Variants in RRP8 observed in about 807,000 individuals in gnomAD.
RRP8 encodes ribosomal RNA-processing protein 8.
Under a neutral mutation model 45.0 loss-of-function variants are expected in RRP8, and 48 were observed. The ratio of observed to expected loss-of-function variants is 1.07; its 90% confidence interval spans 0.85 to 1.36. RRP8 has a LOEUF of 1.36. RRP8 is among the 40% of genes most tolerant of loss of function. The pLI is 0.00. For missense variants in RRP8, 658 were observed against 573.7 expected, an observed-to-expected ratio of 1.15 and a Z score of -1.50; for synonymous variants, 274 against 212.4, an observed-to-expected ratio of 1.29 and a Z score of -2.52.
chr11:6,596,815 G>A lies in RRP8; in HGVS notation c.*3331C>T, dbSNP rs1854235953. ...CCCTTAGGACTGGACTATATTATGG[G>A]AACAGAAGCTGGAGCACACCAATAA... On this transcript the variant is annotated 3_prime_UTR_variant, in exon 7 of 7. Coordinates refer to ENST00000254605, the MANE Select transcript of RRP8 (RefSeq NM_015324.4). The A allele has an allele frequency of 6.6e-6, 1 of 152,204 alleles. No individual in the cohort carries two copies. Among genetic ancestry groups the A allele is most frequent in the Admixed American group, 6.5e-5 (1 of 15,288 alleles). 9.4% of individuals were successfully genotyped at this position (152,204 alleles called of 1,614,324 possible). A position where few individuals can be genotyped will look rare whatever the true frequency, so the allele number is the denominator to read the frequency against.
Position 6,602,210 on chromosome 11 carries a change from G to A in RRP8, c.105C>T (p.Ser35=), listed in dbSNP as rs1854415875. Residue 35 remains serine (S), a synonymous_variant, in exon 2 of 7, where the codon TCC becomes TCT. Transcript: ENST00000254605. ...PPAASSQNKG[S]KRRQLLATLR... is the part of the protein sequence containing the mutation. The stretch of plus-strand genomic sequence containing the variant: ...ATGTGGCCAAGAGCTGGCGGCGCTT[G>A]GAGCCCTGGAGGAAAACAGGGGATG... 3 of 1,547,558 alleles carry A rather than the reference G, an allele frequency of 1.9e-6. No individual in the cohort carries two copies. Among genetic ancestry groups the A allele is most frequent in the Non-Finnish European group, 1.7e-6 (2 of 1,151,810 alleles).
At position 6,602,399 on chromosome 11, in the gene RRP8, A is replaced by G. The variant is rs1448161232; in HGVS notation, c.100-184T>C. On this transcript the variant is annotated intron_variant, in intron 1 of 6. Transcript: ENST00000254605. ...CAACTTCTGGGAAGCTGGAGAGCAG[A>G]GAAACCACCTATCCCACTTTCTTCA... is the stretch of plus-strand genomic sequence containing the variant. The G allele has an allele frequency of 6.7e-6, 4 of 599,586 alleles. No homozygotes were observed. In the Admixed American group the frequency reaches 1.4e-4, roughly 21 times the overall value. 37.1% of individuals were successfully genotyped at this position (599,586 alleles called of 1,614,324 possible). A position where few individuals can be genotyped will look rare whatever the true frequency, so the allele number is the denominator to read the frequency against.
chr11:6,600,290 G>T, intron 6 of RRP8, 25 bp from the exon 7 acceptor site: 1 of 1,497,310 alleles, frequency 6.7e-7, no homozygotes, highest in Non-Finnish European at 9.1e-7. Context: ...GACCCAGTGA[G>T]AACCAAATCC....
chr11:6,602,308 C>G (rs761904717), intron 1 of RRP8, 93 bp from the exon 2 acceptor site: 1 of 1,384,544 alleles, frequency 7.2e-7, no homozygotes, highest in Non-Finnish European at 9.6e-7. Flanking sequence ...TTCAGACTGG[C>G]AGAAGCATCT....
chr11:6,601,163 C>CCTGGCGACGCGGTCCA lies in RRP8; in HGVS notation c.902_903insTGGACCGCGTCGCCAG (p.Arg301SerfsTer19), dbSNP rs1564835564. The stretch of plus-strand genomic sequence containing the variant: ...CCCCCATTCACCGCTGGCGAAGATC[C>CCTGGCGACGCGGTCCA]CTGGCGATGCGGTCCACTGGCTGCA... On this transcript the variant is annotated frameshift_variant, in exon 3 of 7. Coordinates refer to ENST00000254605, the MANE Select transcript of RRP8 (RefSeq NM_015324.4). LOFTEE classifies it high-confidence loss of function. 6.2e-7 allele frequency: 1 copy of CCTGGCGACGCGGTCCA among 1,613,932 alleles called. No homozygotes were observed. The highest frequency in any genetic ancestry group is 8.5e-7 in the Non-Finnish European group (1 of 1,179,918).
chr11:6,601,229 G>A lies in RRP8; in HGVS notation c.837C>T (p.Leu279=), dbSNP rs772597162. 1.2e-6 allele frequency: 2 copies of A among 1,611,620 alleles called. No individual in the cohort carries two copies. The highest frequency in any genetic ancestry group is 1.1e-5 in the South Asian group (1 of 90,754). The change falls in exon 3 of 7, where the codon CTC becomes CTT. Residue 279 remains leucine, a synonymous_variant. Coordinates refer to ENST00000254605, the MANE Select transcript of RRP8 (RefSeq NM_015324.4). The part of the protein sequence containing the change: ...LFQEDPEAFL[L]YHRGFQSQVK... ...CTTGGCTCTGGAAGCCGCGGTGGTAGAGAAGAAAAGCCTCAGGGTCTTCCT... is the reference window on the plus strand; with the variant it reads ...CTTGGCTCTGGAAGCCGCGGTGGTAAAGAAGAAAAGCCTCAGGGTCTTCCT...
rs1854304001 is a variant in RRP8, at chr11:6,600,131, A to G, written c.*15T>C. 2.0e-6 allele frequency: 3 copies of G among 1,505,036 alleles called. No homozygotes were observed. The highest frequency in any genetic ancestry group is 2.7e-6 in the Non-Finnish European group (3 of 1,111,492). The allele number at this position is 1,505,036 out of a possible 1,614,324, so 93.2% of individuals were successfully genotyped here. A position where few individuals can be genotyped will look rare whatever the true frequency, so the allele number is the denominator to read the frequency against. On this transcript the variant is annotated 3_prime_UTR_variant, in exon 7 of 7. Coordinates refer to ENST00000254605, the MANE Select transcript of RRP8 (RefSeq NM_015324.4). ...AGTTTGAGATCTGCCTCCCCTTTCA[A>G]GGAAGATCCAGAGGTCACCTGCGCT... is the stretch of plus-strand genomic sequence containing the variant.
chr11:6,600,786 TGA>T lies in RRP8; in HGVS notation c.1048-13_1048-12del. ...ATCCTCCAGAGGAACCTGTGGAGAGTGAGAGTGTTGTATAAGGCACACAGTGC... is the reference window on the plus strand; with the variant it reads ...ATCCTCCAGAGGAACCTGTGGAGAGTGAGTGTTGTATAAGGCACACAGTGC... On this transcript the variant is annotated splice_polypyrimidine_tract_variant and intron_variant, in intron 4 of 6. Transcript: ENST00000254605. 6.2e-7 allele frequency: 1 copy of T among 1,611,234 alleles called. No homozygotes were observed. Among genetic ancestry groups the T allele is most frequent in the Non-Finnish European group, 8.5e-7 (1 of 1,178,512 alleles).
chr11:6,599,813 G>A lies in RRP8; in HGVS notation c.*333C>T, dbSNP rs1007297807. 2 of 162,392 alleles carry A rather than the reference G, an allele frequency of 1.2e-5. No individual in the cohort carries two copies. Among genetic ancestry groups the A allele is most frequent in the Non-Finnish European group, 2.7e-5 (2 of 74,854 alleles). 10.1% of individuals were successfully genotyped at this position (162,392 alleles called of 1,614,324 possible). The stretch of plus-strand genomic sequence containing the variant: ...AGAGTGGAGATGGCAGGACAGGAAG[G>A]CCATGTGGCTTCTTAGTTGGAAAGA... On this transcript the variant is annotated 3_prime_UTR_variant, in exon 7 of 7. Coordinates refer to ENST00000254605, the MANE Select transcript of RRP8 (RefSeq NM_015324.4).
intron 1 of RRP8, 78 bp from the exon 2 acceptor site, chr11:6,602,293 C>A: frequency 6.9e-7 from 1 of 1,450,416 alleles, no homozygotes. Flanking sequence ...GAGATGTGGA[C>A]CTGATTCAGA....
rs770202367 is a variant in RRP8, at chr11:6,601,910, T to C, written c.405A>G (p.Lys135=). 5.7e-5 allele frequency: 92 copies of C among 1,614,048 alleles called. 2 individuals are homozygous for C. The South Asian group carries it at 9.6e-4, about 17-fold the overall frequency. Residue 135 remains lysine (K), a synonymous_variant, in exon 2 of 7, where the codon AAA becomes AAG. Coordinates refer to ENST00000254605, the MANE Select transcript of RRP8 (RefSeq NM_015324.4). Reference sequence around the variant, plus strand: ...AATTTATAGGGGCATGTTTCTGGCATTTCCTCTTTCTTTTCTCATCTTCAG... The same window carrying C: ...AATTTATAGGGGCATGTTTCTGGCACTTCCTCTTTCTTTTCTCATCTTCAG... ...DSAEDEKRKR[K]CQKHAPINSA... is the part of the protein sequence containing the mutation.
intron 5 of RRP8, 40 bp downstream of exon 5, chr11:6,600,629 C>G (rs1021144527): frequency 1.3e-6 from 2 of 1,592,172 alleles, no homozygotes; most frequent in South Asian, 2.2e-5. Flanking sequence ...CTCATGCATG[C>G]ACACATACAT....
In RRP8 at chr11:6,600,080, AAC is replaced by A; in HGVS notation, c.*64_*65del. 1 of 1,079,584 alleles carries A rather than the reference AAC, an allele frequency of 9.3e-7. No individual in the cohort carries two copies. The highest frequency in any genetic ancestry group is 2.6e-4 in the Middle Eastern group (1 of 3,800). 66.9% of individuals were successfully genotyped at this position (1,079,584 alleles called of 1,614,324 possible). ...GGTCTTGGCTCACAGCCAGGCTGGA[AAC>A]AGTCTTCACAGTTCTGAGCCTGGAG... On this transcript the variant is annotated 3_prime_UTR_variant, in exon 7 of 7. Transcript: ENST00000254605.
Position 6,603,393 on chromosome 11 carries a change from G to A in RRP8, c.99+11C>T. On this transcript the variant is annotated intron_variant, in intron 1 of 6. Transcript: ENST00000254605. ...CTGAAACAGCTCCCATTGCTCCCGC[G>A]AGTCACTCACCTTGTTTTGCGAGGA... 2.2e-5 allele frequency: 35 copies of A among 1,587,386 alleles called. No individual in the cohort carries two copies. Among genetic ancestry groups the A allele is most frequent in the Non-Finnish European group, 2.8e-5 (33 of 1,164,880 alleles).
chr11:6,601,113 C>G, intron 3 of RRP8, 36 bp downstream of exon 3: 3 of 1,613,844 alleles, frequency 1.9e-6, no homozygotes, highest in Non-Finnish European at 1.7e-6. Context: ...GACTGACCCA[C>G]CACATGGCTT....
At position 6,598,401 on chromosome 11, in the gene RRP8, A is replaced by G. The variant is rs1012023508; in HGVS notation, c.*1745T>C. The G allele has an allele frequency of 4.6e-5, 7 of 152,270 alleles. No individual in the cohort carries two copies. The highest frequency in any genetic ancestry group is 7.3e-5 in the Non-Finnish European group (5 of 68,068). The allele number at this position is 152,270 out of a possible 1,614,324, so 9.4% of individuals were successfully genotyped here. The stretch of plus-strand genomic sequence containing the variant: ...TCATTCCTTATCTCTCCCTAGGTGA[A>G]TAAGTACACTGGCTATATCTCAAAT... On this transcript the variant is annotated 3_prime_UTR_variant, in exon 7 of 7. Transcript: ENST00000254605.
In RRP8 at chr11:6,600,258, G is replaced by C. The variant is rs767484866; in HGVS notation, c.1259C>G (p.Thr420Ser). The C allele has an allele frequency of 1.9e-6, 3 of 1,595,296 alleles. No homozygotes were observed. Among genetic ancestry groups the C allele is most frequent in the African/African-American group, 1.4e-5 (1 of 73,764 alleles). ...ATCAAACAAGAAGAAATGGCTGTTG[G>C]TCAGGTCCTAGGGGCAGAAAAGACC... ...LGFKIVSKDL[T>S]NSHFFLFDFQ... is the part of the protein sequence containing the mutation. The change falls in exon 7 of 7, where the codon ACC becomes AGC. Residue 420 changes from threonine (T) to serine (S), a missense_variant. By Grantham distance (58) the Thr-to-Ser change is moderately conservative. Transcript: ENST00000254605.
rs1854232376 is a variant in RRP8 at position 6,596,591 on chromosome 11, C to G, written c.*3555G>C. ...AATTAGACCACCAGTAAGGCAGTTA[C>G]TGCAGGAGTTGGGTATCCTAAAACC... On this transcript the variant is annotated 3_prime_UTR_variant, in exon 7 of 7. Coordinates refer to ENST00000254605, the MANE Select transcript of RRP8 (RefSeq NM_015324.4). 1 of 152,198 alleles carries G rather than the reference C, an allele frequency of 6.6e-6. No individual in the cohort carries two copies. Among genetic ancestry groups the G allele is most frequent in the Admixed American group, 6.5e-5 (1 of 15,276 alleles). The allele number at this position is 152,198 out of a possible 1,614,324, so 9.4% of individuals were successfully genotyped here.
rs760883930 is a variant in RRP8, at chr11:6,600,718, T to A, written c.1105A>T (p.Thr369Ser). 1 of 1,613,944 alleles carries A rather than the reference T, an allele frequency of 6.2e-7. No individual in the cohort carries two copies. Among genetic ancestry groups the A allele is most frequent in the African/African-American group, 1.3e-5 (1 of 74,880 alleles). The change falls in exon 5 of 7, where the codon ACC becomes TCC. Residue 369 changes from threonine (T) to serine (S), a missense_variant. Transcript: ENST00000254605. ...TCCTCTAGGAAGTCCCTGATGTTGG[T>A]TCCCATCAGTGAAAGGCAAAACACA... ...VAVFCLSLMG[T>S]NIRDFLEEAN...
Sources: allele counts gnomAD v4.1 joint callset, GRCh38; gene constraint gnomAD v4.1.1; transcripts MANE v1.5; gene names NCBI Gene and HGNC (gene_info 2026-07-23, HGNC 2026-07-21).